EDIL3: variants seen among roughly 807,000 people sequenced by gnomAD.
EDIL3 encodes the protein EGF-like repeat and discoidin I-like domain-containing protein 3.
In EDIL3, 37 loss-of-function variants were observed where a neutral mutation model predicts 67.4. The ratio of observed to expected loss-of-function variants is 0.55; its 90% CI spans 0.42 to 0.72. EDIL3 has a LOEUF of 0.72. Ranked by LOEUF, EDIL3 falls within the 30% of genes least tolerant of loss-of-function variation. The probability of loss-of-function intolerance (pLI) is 0.00; values close to 1 mark genes in which losing one functional copy is unlikely to be tolerated. For missense variants in EDIL3, 527 were observed against 586.3 expected (o/e 0.90, Z 1.04); for synonymous variants, 195 against 196.3 (o/e 0.99, Z 0.05).
At chr5:84,150,230 A>T (rs1203267881) in intron 4 of EDIL3, among the ~76,000 whole-genome samples, 1 of 152,190 alleles carries the variant, frequency 6.6e-6, no homozygotes, top group East Asian at 1.9e-4. Flanking sequence ...ATACACTTAG[A>T]ACTACATAAG....
At chr5:84,382,229 C>T (rs577565386) in intron 1 of EDIL3, among the ~76,000 whole-genome samples, 53 of 152,314 alleles carry the variant, frequency 3.5e-4, no homozygotes, top group African/African-American at 1.2e-3. Context: ...ATGGAGCATC[C>T]AGCTTCCCGA....
intron 3 of EDIL3, among the ~76,000 whole-genome samples, chr5:84,200,782 G>C (rs10036389): frequency 3.5e-4 from 53 of 152,140 alleles, no homozygotes; most frequent in African/African-American, 1.3e-3. Context: ...TCGATAGTAA[G>C]TAAACACTTT....
intron 3 of EDIL3, among the ~76,000 whole-genome samples, chr5:84,187,832 A>T (rs1281607000): frequency 6.6e-6 from 1 of 151,908 alleles, no homozygotes; most frequent in East Asian, 1.9e-4. Flanking sequence ...GTTGCTTCTC[A>T]TCCTGCTCTT....
intron 1 of EDIL3, among the ~76,000 whole-genome samples, chr5:84,377,533 TA>T (rs1309904428): frequency 2.6e-5 from 4 of 152,168 alleles, no homozygotes; most frequent in Non-Finnish European, 5.9e-5. Context: ...CAGTAAAATC[TA>T]AATGGTTCCC....
At chr5:84,015,894 A>G (rs1745596168) in intron 9 of EDIL3, among the ~76,000 whole-genome samples, 1 of 152,148 alleles carries the variant, frequency 6.6e-6, no homozygotes, top group Non-Finnish European at 1.5e-5. Context: ...TTTATTTTAA[A>G]AACTTTTATT....
intron 4 of EDIL3, among the ~76,000 whole-genome samples, chr5:84,175,227 A>G (rs1260874642): frequency 6.6e-6 from 1 of 151,938 alleles, no homozygotes; most frequent in Non-Finnish European, 1.5e-5. Flanking sequence ...AAGCTAAAAG[A>G]AGCCATCAAG....
intron 9 of EDIL3, among the ~76,000 whole-genome samples, chr5:84,017,758 T>C (rs1001742234): frequency 1.3e-5 from 2 of 152,136 alleles, no homozygotes; most frequent in East Asian, 3.8e-4. Flanking sequence ...TGTTGTTTTC[T>C]TTTTCAATGA....
chr5:84,141,934 T>C (rs1297612622), intron 4 of EDIL3, among the ~76,000 whole-genome samples: 32 of 127,516 alleles, frequency 2.5e-4, no homozygotes, highest in Middle Eastern at 4.0e-3. Context: ...CACATATATA[T>C]ATATATATAT....
chr5:84,300,359 A>G (rs751391372), intron 1 of EDIL3, among the ~76,000 whole-genome samples: 1 of 152,136 alleles, frequency 6.6e-6, no homozygotes, highest in Non-Finnish European at 1.5e-5. Flanking sequence ...ATACTATAGG[A>G]TGGTCTTCTT....
intron 5 of EDIL3, among the ~76,000 whole-genome samples, chr5:84,110,225 C>T (rs1747534841): frequency 6.6e-6 from 1 of 152,088 alleles, no homozygotes; most frequent in South Asian, 2.1e-4. Context: ...TTTCACTCTG[C>T]GAAGTTGTCA....
chr5:84,090,707 G>A (rs1747149896), intron 6 of EDIL3, among the ~76,000 whole-genome samples: 1 of 152,038 alleles, frequency 6.6e-6, no homozygotes, highest in African/African-American at 2.4e-5. Context: ...CAGCACTTTG[G>A]GAGGTCGAGG....
chr5:84,367,087 T>C (rs768273831), intron 1 of EDIL3, among the ~76,000 whole-genome samples: 3 of 152,214 alleles, frequency 2.0e-5, no homozygotes, highest in African/African-American at 4.8e-5. Context: ...AATTATATCA[T>C]AGCATTTAGT....
chr5:84,017,330 G>T (rs1418640382), intron 9 of EDIL3, among the ~76,000 whole-genome samples: 1 of 152,114 alleles, frequency 6.6e-6, no homozygotes, highest in Non-Finnish European at 1.5e-5. Flanking sequence ...TACACAGAGA[G>T]GTTCCACAAT....
At chr5:84,070,834 TG>T (rs1444951889) in intron 6 of EDIL3, among the ~76,000 whole-genome samples, 10 of 152,104 alleles carry the variant, frequency 6.6e-5, no homozygotes, top group African/African-American at 2.4e-4. Context: ...AAAGCCTTAG[TG>T]TAAGTGGAAA....
intron 9 of EDIL3, among the ~76,000 whole-genome samples, chr5:83,963,807 G>A (rs1306883719): frequency 6.6e-6 from 1 of 151,668 alleles, no homozygotes; most frequent in Non-Finnish European, 1.5e-5. Flanking sequence ...CTGTAGCTGT[G>A]TCCACATCAG....
intron 3 of EDIL3, among the ~76,000 whole-genome samples, chr5:84,181,817 T>C (rs571390726): frequency 1.6e-4 from 25 of 152,302 alleles, no homozygotes; most frequent in Non-Finnish European, 3.1e-4. Flanking sequence ...ATTTAGTCTG[T>C]ACTGATTTTA....
intron 9 of EDIL3, among the ~76,000 whole-genome samples, chr5:83,978,705 G>A (rs1744914540): frequency 6.6e-6 from 1 of 151,926 alleles, no homozygotes; most frequent in African/African-American, 2.4e-5. Flanking sequence ...CTGAAAGCTT[G>A]GTATGGATTG....
chr5:84,021,970 G>A (rs1027715694), intron 9 of EDIL3, among the ~76,000 whole-genome samples: 1 of 151,860 alleles, frequency 6.6e-6, no homozygotes, highest in Non-Finnish European at 1.5e-5. Flanking sequence ...TCTACCAAAT[G>A]TATAAAGAAG....
intron 5 of EDIL3, among the ~76,000 whole-genome samples, chr5:84,121,541 C>CGA (rs59850300): frequency 0.025 from 877 of 34,592 alleles, 6 homozygotes; most frequent in African/African-American, 0.052. Context: ...TTAGATCGAT[C>CGA]TATCTATCTA....
Sources: gnomAD v4.1 joint callset for allele counts (sites outside exome capture counted in the v4.1 genomes callset) on GRCh38, gnomAD v4.1.1 for gene constraint, MANE v1.5 for transcripts, NCBI Gene and HGNC (gene_info 2026-07-23, HGNC 2026-07-21) for gene names.